The following ARMC10 variants were observed in gnomAD, a reference collection of about 807,000 sequenced individuals.
ARMC10 encodes armadillo repeat-containing protein 10.
Under a neutral mutation model 30.2 loss-of-function variants are expected in ARMC10, and 23 were observed. The ratio of observed to expected loss-of-function variants is 0.76; its 90% CI spans 0.55 to 1.08. ARMC10 has a LOEUF of 1.08. Ranked by LOEUF, ARMC10 falls within the 50% of genes least tolerant of loss-of-function variation. ARMC10 has a pLI of 0.00. For missense variants in ARMC10, 303 were observed against 413.7 expected, an observed-to-expected ratio of 0.73 and a Z score of 2.32; for synonymous variants, 111 against 164.4, an observed-to-expected ratio of 0.68 and a Z score of 2.48.
At position 103,097,291 on chromosome 7, in the gene ARMC10, A is replaced by G; in HGVS notation, c.720A>G (p.Lys240=). Residue 240 remains lysine (K), a synonymous_variant, in exon 6 of 7, where the codon AAA becomes AAG. Transcript: ENST00000323716. ...TCTTCTTTCAGGTGCAAGTTTTGAA[A>G]CTGCTTTTGAATTTGTCTGAAAATC... ...GNGNTKVQVL[K]LLLNLSENPA... The G allele has an allele frequency of 6.2e-7, 1 of 1,613,874 alleles. No individual in the cohort carries two copies. The highest frequency in any genetic ancestry group is 1.7e-4 in the Middle Eastern group (1 of 6,058).
At chr7:103,083,573 C>G in intron 2 of ARMC10, 109 bp from the exon 3 acceptor site, 1 of 937,828 alleles carries the variant, frequency 1.1e-6, no homozygotes, top group South Asian at 1.6e-5. Flanking sequence ...TTGTAGTGAG[C>G]CATGATTGTG....
At position 103,092,667 on chromosome 7, in the gene ARMC10, T is replaced by C. The variant is rs1203819381; in HGVS notation, c.705+14T>C. The C allele has an allele frequency of 6.5e-7, 1 of 1,531,164 alleles. No individual in the cohort carries two copies. The highest frequency in any genetic ancestry group is 1.7e-5 in the Admixed American group (1 of 58,006). 94.8% of individuals were successfully genotyped at this position (1,531,164 alleles called of 1,614,324 possible). On this transcript the variant is annotated intron_variant, in intron 5 of 6. Coordinates refer to ENST00000323716, the MANE Select transcript of ARMC10 (RefSeq NM_031905.5). ...GGAAACACGAAGGTATGAAGAGCTATTGTGTCAAGCTTATTAACATTGAAA... is the reference window on the plus strand; with the variant it reads ...GGAAACACGAAGGTATGAAGAGCTACTGTGTCAAGCTTATTAACATTGAAA...
chr7:103,078,494 G>A (rs1000957763), intron 2 of ARMC10, among the ~76,000 whole-genome samples: 3 of 152,166 alleles, frequency 2.0e-5, no homozygotes, highest in African/African-American at 7.2e-5. Flanking sequence ...CTTCCACCAT[G>A]ATTGTAAGTT....
At chr7:103,088,778 A>G (rs780476765) in intron 4 of ARMC10, 5 of 182,800 alleles carry the variant, frequency 2.7e-5, no homozygotes, top group Non-Finnish European at 6.4e-5. Context: ...CAGCCAACCA[A>G]TTTCCATTCC....
chr7:103,075,898 T>G lies in ARMC10; in HGVS notation c.244+17T>G. The G allele has an allele frequency of 1.3e-6, 2 of 1,542,306 alleles. No individual in the cohort carries two copies. The highest frequency in any genetic ancestry group is 1.8e-6 in the Non-Finnish European group (2 of 1,137,372). On this transcript the variant is annotated intron_variant, in intron 2 of 6. Coordinates refer to ENST00000323716, the MANE Select transcript of ARMC10 (RefSeq NM_031905.5). ...CGCAGCCTGGTGTGTGTTTTGGAAA[T>G]GGGAACAGTTGTCTGCGCGAGACAC...
intron 1 of ARMC10, among the ~76,000 whole-genome samples, 174 bp from the exon 2 acceptor site, chr7:103,075,603 C>G (rs1458304975): frequency 6.6e-6 from 1 of 152,268 alleles, no homozygotes; most frequent in Non-Finnish European, 1.5e-5. Flanking sequence ...GAAAACTTGC[C>G]CTGGCTTTCC....
At chr7:103,077,018 C>T (rs1799937377) in intron 2 of ARMC10, among the ~76,000 whole-genome samples, 1 of 152,146 alleles carries the variant, frequency 6.6e-6, no homozygotes, top group Non-Finnish European at 1.5e-5. Context: ...CACCTCACCC[C>T]ACTAAGTAAC....
intron 6 of ARMC10, 26 bp from the exon 7 acceptor site, chr7:103,098,273 A>G: frequency 1.4e-6 from 2 of 1,391,118 alleles, no homozygotes; most frequent in South Asian, 3.8e-5. Flanking sequence ...TTAATATAAA[A>G]TAATACTCAT....
In ARMC10 at chr7:103,086,695, T is replaced by TATTAAAGA. The variant is rs1468703832; in HGVS notation, c.460_467dup (p.Lys157LeufsTer6). 1 of 1,596,614 alleles carries TATTAAAGA rather than the reference T, an allele frequency of 6.3e-7. No individual in the cohort carries two copies. The highest frequency in any genetic ancestry group is 2.2e-5 in the East Asian group (1 of 44,626). ...ACAAAATCAACCATTCCAACCAGAG[T>TATTAAAGA]ATTAAAGAGAAAGCTTTAAATGCAC... On this transcript the variant is annotated frameshift_variant, in exon 4 of 7. Coordinates refer to ENST00000323716, the MANE Select transcript of ARMC10 (RefSeq NM_031905.5). LOFTEE classifies it high-confidence loss of function.
rs548595676 is a variant in ARMC10 at position 103,097,925 on chromosome 7, G to GT, written c.778-373dup. 4.8e-3 allele frequency among the ~76,000 whole-genome samples: 729 copies of GT among 152,306 alleles called. 6 individuals are homozygous for GT. Among genetic ancestry groups the GT allele is most frequent in the African/African-American group, 0.017 (689 of 41,548 alleles). ...TCCCCACCCAGCTCTGTGCCCTGTGGTGTATGGGCACTAAATGTTTGATGA... is the reference window on the plus strand; with the variant it reads ...TCCCCACCCAGCTCTGTGCCCTGTGGTTGTATGGGCACTAAATGTTTGATGA... On this transcript the variant is annotated intron_variant, in intron 6 of 6. Transcript: ENST00000323716.
chr7:103,075,566 C>G lies in ARMC10; in HGVS notation c.139+155C>G, dbSNP rs539699561. Among the ~76,000 whole-genome samples the G allele has an allele frequency of 2.5e-4, 38 of 152,362 alleles. No homozygotes were observed. The South Asian group carries it at 7.9e-3, about 32-fold the overall frequency. ...AGTGCAGGGTGCTGCGCCGCCCCCG[C>G]CGCCCCTTTGCTGACTATACTGGTA... is the stretch of plus-strand genomic sequence containing the variant. On this transcript the variant is annotated intron_variant, in intron 1 of 6. Coordinates refer to ENST00000323716, the MANE Select transcript of ARMC10 (RefSeq NM_031905.5).
At chr7:103,087,742 T>C (rs1159186290) in intron 4 of ARMC10, 2 of 980,500 alleles carry the variant, frequency 2.0e-6, no homozygotes, top group African/African-American at 1.7e-5. Flanking sequence ...GTAATCTCTG[T>C]ATTTAGTTTA....
intron 6 of ARMC10, 61 bp from the exon 7 acceptor site, chr7:103,098,238 T>C (rs1033126633): frequency 2.5e-6 from 3 of 1,222,488 alleles, no homozygotes; most frequent in Non-Finnish European, 3.1e-6. Flanking sequence ...TGTTAAAATA[T>C]ACATGAAAAA....
chr7:103,092,499 A>G lies in ARMC10; in HGVS notation c.551A>G (p.Glu184Gly). 6.3e-7 allele frequency: 1 copy of G among 1,590,132 alleles called. No homozygotes were observed. Among genetic ancestry groups the G allele is most frequent in the South Asian group, 1.1e-5 (1 of 89,922 alleles). The change falls in exon 5 of 7, where the codon GAG becomes GGG. Residue 184 changes from glutamate (E) to glycine (G), a missense_variant. Physicochemically the swap from Glu to Gly is moderately conservative, Grantham distance 98 (BLOSUM62 -2). Transcript: ENST00000323716. ...KIKIYISQVC[E>G]DVFSGPLNSA... ...CAGATATACATCAGTCAAGTATGTG[A>G]GGATGTCTTCTCTGGTCCTCTGAAC... is the stretch of plus-strand genomic sequence containing the variant.
At chr7:103,084,485 T>G (rs928231151) in intron 3 of ARMC10, among the ~76,000 whole-genome samples, 1 of 152,242 alleles carries the variant, frequency 6.6e-6, no homozygotes, top group Non-Finnish European at 1.5e-5. Context: ...ACTGTAAAGC[T>G]CTATAAACGT....
intron 2 of ARMC10, among the ~76,000 whole-genome samples, chr7:103,082,277 G>A (rs918272641): frequency 7.2e-5 from 11 of 151,732 alleles, no homozygotes; most frequent in African/African-American, 9.7e-5. Context: ...TATATATCAC[G>A]TACCACATAT....
intron 2 of ARMC10, chr7:103,082,025 A>G (rs1269446704): frequency 2.5e-6 from 1 of 401,872 alleles, no homozygotes; most frequent in Non-Finnish European, 4.9e-6. Flanking sequence ...CCTGTGTAAA[A>G]TAAGAGGTTT....
At chr7:103,086,961 TA>T in intron 4 of ARMC10, 197 bp downstream of exon 4, 1 of 1,408,620 alleles carries the variant, frequency 7.1e-7, no homozygotes, top group Non-Finnish European at 9.4e-7. Context: ...TTTGTTTCAG[TA>T]AAATAATGCT....
At position 103,086,823 on chromosome 7, in the gene ARMC10, A is replaced by G. The variant is rs1463371985; in HGVS notation, c.528+59A>G. On this transcript the variant is annotated intron_variant, in intron 4 of 6. Coordinates refer to ENST00000323716, the MANE Select transcript of ARMC10 (RefSeq NM_031905.5). Reference sequence around the variant, plus strand: ...TTTCTATAAATAAAAAATAACAAAAAGATGAGTAATGAAACTTTAGTAGAC... The same window carrying G: ...TTTCTATAAATAAAAAATAACAAAAGGATGAGTAATGAAACTTTAGTAGAC... 6 of 1,570,416 alleles carry G rather than the reference A, an allele frequency of 3.8e-6. No individual in the cohort carries two copies. The East Asian group carries it at 6.9e-5, about 18-fold the overall frequency.
Sources: allele counts gnomAD v4.1 joint callset (sites outside exome capture counted in the v4.1 genomes callset), GRCh38; gene constraint gnomAD v4.1.1; transcripts MANE v1.5; gene names NCBI Gene and HGNC (gene_info 2026-07-23, HGNC 2026-07-21).